Variants in RASGRF2 observed in about 807,000 individuals in gnomAD.
The protein encoded by RASGRF2 is ras-specific guanine nucleotide-releasing factor 2.
A neutral mutation model predicts 151.0 loss-of-function variants in RASGRF2; 76 were observed. That is an observed-to-expected ratio of 0.50 (90% confidence interval 0.42 to 0.61). The LOEUF is 0.61. Among genes scored for constraint, RASGRF2 ranks in the 20% least tolerant of loss-of-function variants. RASGRF2 has a pLI of 0.00. For missense variants in RASGRF2, 1,148 were observed against 1,564.6 expected, an observed-to-expected ratio of 0.73 and a Z score of 4.49; for synonymous variants, 504 against 566.5, an observed-to-expected ratio of 0.89 and a Z score of 1.57.
chr5:81,144,713 T>C (rs1402760519), intron 17 of RASGRF2, among the ~76,000 whole-genome samples: 1 of 152,204 alleles, frequency 6.6e-6, no homozygotes, highest in Non-Finnish European at 1.5e-5. Flanking sequence ...TACTGAGCAA[T>C]GGTCCAAGTT....
intron 1 of RASGRF2, among the ~76,000 whole-genome samples, chr5:81,015,304 A>G (rs6883189): frequency 0.26 from 39,146 of 152,092 alleles, 5,401 homozygotes; most frequent in South Asian, 0.32. Flanking sequence ...GCTGGGTCAA[A>G]TGGTATTTCT....
chr5:81,177,536 AT>A (rs1485476434), intron 17 of RASGRF2, among the ~76,000 whole-genome samples: 1 of 151,148 alleles, frequency 6.6e-6, no homozygotes, highest in Non-Finnish European at 1.5e-5. Context: ...GTAGGCTTTC[AT>A]TTTTCTGCAA....
At chr5:81,089,582 TG>T (rs773974976) in intron 9 of RASGRF2, among the ~76,000 whole-genome samples, 1 of 152,228 alleles carries the variant, frequency 6.6e-6, no homozygotes, top group Non-Finnish European at 1.5e-5. Flanking sequence ...ATTATAGAAA[TG>T]GTCTGATATT....
intron 12 of RASGRF2, among the ~76,000 whole-genome samples, chr5:81,106,641 G>T: frequency 6.6e-6 from 1 of 152,070 alleles, no homozygotes; most frequent in East Asian, 1.9e-4. Flanking sequence ...TTGAAACAGG[G>T]CCCTTGATGT....
intron 1 of RASGRF2, among the ~76,000 whole-genome samples, chr5:80,964,379 G>C (rs549092448): frequency 6.6e-6 from 1 of 152,088 alleles, no homozygotes; most frequent in African/African-American, 2.4e-5. Context: ...AGAAAGGGAA[G>C]TTGTATTTAG....
chr5:81,124,914 G>A (rs192790692), intron 16 of RASGRF2, among the ~76,000 whole-genome samples: 1 of 132,124 alleles, frequency 7.6e-6, no homozygotes, highest in East Asian at 2.0e-4. Flanking sequence ...TGGAGACAGA[G>A]TCTCACTCTG....
intron 18 of RASGRF2, among the ~76,000 whole-genome samples, chr5:81,194,441 TC>T (rs201739948): frequency 2.7e-5 from 4 of 150,614 alleles, no homozygotes; most frequent in African/African-American, 9.9e-5. Context: ...TGTTTTTTGT[TC>T]TTTTTTTTTT....
chr5:80,972,596 C>T (rs763107844), intron 1 of RASGRF2, among the ~76,000 whole-genome samples: 6 of 152,170 alleles, frequency 3.9e-5, no homozygotes, highest in Non-Finnish European at 8.8e-5. Context: ...TCTCCCACCT[C>T]AGCCTTCCGA....
At chr5:81,150,042 G>A (rs369531187) in intron 17 of RASGRF2, among the ~76,000 whole-genome samples, 29 of 152,278 alleles carry the variant, frequency 1.9e-4, no homozygotes, top group African/African-American at 6.3e-4. Flanking sequence ...GAAATAAGGG[G>A]CTGTGTGCCT....
intron 13 of RASGRF2, among the ~76,000 whole-genome samples, chr5:81,109,717 G>A (rs1752944905): frequency 6.6e-6 from 1 of 151,934 alleles, no homozygotes. Context: ...AGTTGTTGCT[G>A]GCACCCAAAT....
chr5:81,197,763 A>C (rs1430013777), intron 18 of RASGRF2, among the ~76,000 whole-genome samples: 2 of 152,226 alleles, frequency 1.3e-5, no homozygotes, highest in African/African-American at 4.8e-5. Flanking sequence ...AAGTAACTTT[A>C]TATGGGGGAA....
intron 3 of RASGRF2, among the ~76,000 whole-genome samples, chr5:81,068,490 G>T (rs556809887): frequency 1.3e-5 from 2 of 151,176 alleles, no homozygotes; most frequent in African/African-American, 4.9e-5. Flanking sequence ...ACTGTTTTCA[G>T]ATACCCTACA....
At chr5:81,026,558 A>G (rs1183401065) in intron 1 of RASGRF2, among the ~76,000 whole-genome samples, 2 of 152,222 alleles carry the variant, frequency 1.3e-5, no homozygotes, top group Non-Finnish European at 2.9e-5. Context: ...CAGAAAAGAA[A>G]TAAGTAGGTA....
intron 1 of RASGRF2, among the ~76,000 whole-genome samples, chr5:81,012,657 G>T (rs1749504468): frequency 1.3e-5 from 2 of 152,142 alleles, no homozygotes; most frequent in African/African-American, 4.8e-5. Flanking sequence ...AGCCACTTCA[G>T]ACTGAGGTGG....
chr5:81,082,459 T>C (rs1398618615), intron 7 of RASGRF2, among the ~76,000 whole-genome samples: 1 of 152,228 alleles, frequency 6.6e-6, no homozygotes, highest in East Asian at 1.9e-4. Context: ...TGGGAATCTT[T>C]AGGAGACCTG....
At chr5:81,153,072 A>G (rs1054622867) in intron 17 of RASGRF2, among the ~76,000 whole-genome samples, 13 of 152,252 alleles carry the variant, frequency 8.5e-5, no homozygotes, top group Non-Finnish European at 1.5e-4. Flanking sequence ...TAGAATTAAA[A>G]TGGTACATTA....
At chr5:81,198,470 C>T (rs1467003409) in intron 18 of RASGRF2, among the ~76,000 whole-genome samples, 1 of 151,448 alleles carries the variant, frequency 6.6e-6, no homozygotes, top group Admixed American at 6.6e-5. Flanking sequence ...GACGGAGTCT[C>T]GCTCTGTCAC....
At chr5:81,154,430 A>G (rs1202240186) in intron 17 of RASGRF2, among the ~76,000 whole-genome samples, 2 of 152,092 alleles carry the variant, frequency 1.3e-5, no homozygotes, top group Non-Finnish European at 2.9e-5. Flanking sequence ...GGGTCTCACT[A>G]TGTTGCCCAG....
At chr5:81,091,559 G>T (rs1470524006) in intron 9 of RASGRF2, among the ~76,000 whole-genome samples, 1 of 152,102 alleles carries the variant, frequency 6.6e-6, no homozygotes, top group African/African-American at 2.4e-5. Flanking sequence ...GTGGAAACTT[G>T]GGTCTCTTGC....
Sources: gnomAD v4.1 joint callset for allele counts (sites outside exome capture counted in the v4.1 genomes callset) on GRCh38, gnomAD v4.1.1 for gene constraint, MANE v1.5 for transcripts, NCBI Gene and HGNC (gene_info 2026-07-23, HGNC 2026-07-21) for gene names.